The following VPS16 variants were observed in gnomAD, a reference collection of about 807,000 sequenced individuals.
VPS16 encodes vacuolar protein sorting-associated protein 16 homolog.
A neutral mutation model predicts 116.0 loss-of-function variants in VPS16; 82 were observed. That is an observed-to-expected ratio of 0.71 (90% CI 0.59 to 0.85). The LOEUF (loss-of-function observed/expected upper bound fraction) is 0.85. Ranked by LOEUF, VPS16 falls within the 40% of genes least tolerant of loss-of-function variation. VPS16 has a pLI of 0.00. For missense variants in VPS16, 928 were observed against 1,090.6 expected, an observed-to-expected ratio of 0.85 and a Z score of 2.10; for synonymous variants, 406 against 420.7, an observed-to-expected ratio of 0.96 and a Z score of 0.43.
intron 1 of VPS16, among the ~76,000 whole-genome samples, chr20:2,849,590 C>T (rs2089096786): frequency 6.6e-6 from 1 of 151,418 alleles, no homozygotes; most frequent in Non-Finnish European, 1.5e-5. Flanking sequence ...TGAGCTACTG[C>T]ACCCGGTTGA....
intron 11 of VPS16, 55 bp from the exon 12 acceptor site, chr20:2,862,524 A>T (rs1242793755): frequency 1.3e-6 from 2 of 1,587,794 alleles, no homozygotes; most frequent in Non-Finnish European, 1.7e-6. Flanking sequence ...GTTAGGGGCC[A>T]GATGTGGGAG....
chr20:2,848,099 A>G (rs947076416), intron 1 of VPS16, among the ~76,000 whole-genome samples: 3 of 152,148 alleles, frequency 2.0e-5, no homozygotes, highest in African/African-American at 7.2e-5. Context: ...TCTGATGAGC[A>G]CTGCCATGAG....
rs2089325943 is a variant in VPS16, at chr20:2,865,642, TG to T, written c.2271+150del. On this transcript the variant is annotated intron_variant, in intron 22 of 23. Transcript: ENST00000380445. The surrounding 1 kb of genome is among the most constrained non-coding windows in gnomAD (Gnocchi z 5.2). ...CGAGTGCTTCCTGTATACACATTTG[TG>T]GGCAGGCATCATCTGCTGTGTTGGG... 2 of 757,336 alleles carry T rather than the reference TG, an allele frequency of 2.6e-6. No individual in the cohort carries two copies. The highest frequency in any genetic ancestry group is 4.2e-6 in the Non-Finnish European group (2 of 475,562). The allele number at this position is 757,336 out of a possible 1,614,324, so 46.9% of individuals were successfully genotyped here. A position where few individuals can be genotyped will look rare whatever the true frequency, so the allele number is the denominator to read the frequency against.
Position 2,865,049 on chromosome 20 carries a change from A to G in VPS16, c.1998A>G (p.Ala666=). 1 of 1,614,182 alleles carries G rather than the reference A, an allele frequency of 6.2e-7. No homozygotes were observed. The highest frequency in any genetic ancestry group is 8.5e-7 in the Non-Finnish European group (1 of 1,180,030). The change falls in exon 20 of 24, where the codon GCA becomes GCG. Residue 666 remains alanine (A), a synonymous_variant. Coordinates refer to ENST00000380445, the MANE Select transcript of VPS16 (RefSeq NM_022575.4). This position sits in a 1 kb window ranked among gnomAD's most constrained non-coding sequence, Gnocchi z 5.2. ...DAFYKAKNEF[A]AKATEDQMRL... ...TCTACAAGGCCAAGAATGAGTTTGC[A>G]GCCAAGGTTTGGCCCACCTTTTTCC...
intron 1 of VPS16, among the ~76,000 whole-genome samples, chr20:2,849,021 G>T (rs560932601): frequency 6.6e-6 from 1 of 152,144 alleles, no homozygotes; most frequent in Non-Finnish European, 1.5e-5. Flanking sequence ...TAGGTTAGCA[G>T]GGCTTTCAAG....
chr20:2,859,066 G>A (rs1344853427), intron 1 of VPS16, among the ~76,000 whole-genome samples: 3 of 152,122 alleles, frequency 2.0e-5, no homozygotes, highest in African/African-American at 7.2e-5. Context: ...TGGAGGCCAG[G>A]GTAGGAGGAT....
Position 2,861,598 on chromosome 20 carries a change from G to T in VPS16, c.810-17G>T. On this transcript the variant is annotated splice_polypyrimidine_tract_variant and intron_variant, in intron 8 of 23. Coordinates refer to ENST00000380445, the MANE Select transcript of VPS16 (RefSeq NM_022575.4). ...CCATGGGACAGTGTCTAGCCAGTGT[G>T]TATATGCTGCTCACAGGTGCAGCCG... is the stretch of plus-strand genomic sequence containing the variant. 6.2e-7 allele frequency: 1 copy of T among 1,601,360 alleles called. No individual in the cohort carries two copies. Among genetic ancestry groups the T allele is most frequent in the Non-Finnish European group, 8.5e-7 (1 of 1,174,874 alleles).
Position 2,864,201 on chromosome 20 carries a change from C to T in VPS16, c.1634C>T (p.Ser545Leu), listed in dbSNP as rs200043001. The T allele has an allele frequency of 1.9e-6, 3 of 1,614,188 alleles. No individual in the cohort carries two copies. In the East Asian group the frequency reaches 6.7e-5, roughly 36 times the overall value. ...CAGCTGCTGGAGTATGAGCCACGCT[C>T]AGGGGAGCAGGTACCCCTTCTCCTA... Reference protein sequence around the residue: ...AIKLLEYEPRSGEQVPLLLKM... With the variant: ...AIKLLEYEPRLGEQVPLLLKM... Residue 545 changes from serine (S) to leucine (L), a missense_variant, in exon 17 of 24, where the codon TCA becomes TTA. Transcript: ENST00000380445. The surrounding 1 kb of genome is among the most constrained non-coding windows in gnomAD (Gnocchi z 5.2).
In VPS16 at chr20:2,866,318, G is replaced by A. The variant is rs766933065; in HGVS notation, c.2375+3G>A. 6.2e-7 allele frequency: 1 copy of A among 1,614,164 alleles called. No individual in the cohort carries two copies. The highest frequency in any genetic ancestry group is 8.5e-7 in the Non-Finnish European group (1 of 1,180,036). On this transcript the variant is annotated splice_donor_region_variant and intron_variant, in intron 23 of 23. Transcript: ENST00000380445. Reference sequence around the variant, plus strand: ...GTCAAGGCTTTGCTTCTTGTTGGGTGCGTCAACTGAGGGCCTGTGGGTGCT... The same window carrying A: ...GTCAAGGCTTTGCTTCTTGTTGGGTACGTCAACTGAGGGCCTGTGGGTGCT...
At chr20:2,849,948 A>G (rs374122671) in intron 1 of VPS16, among the ~76,000 whole-genome samples, 2 of 152,216 alleles carry the variant, frequency 1.3e-5, no homozygotes, top group Admixed American at 6.5e-5. Flanking sequence ...TAGGGGGTCT[A>G]TCTTCTGGGA....
chr20:2,866,010 A>G (rs760737316), intron 22 of VPS16: 12 of 595,564 alleles, frequency 2.0e-5, no homozygotes, highest in Middle Eastern at 9.1e-4. Context: ...TCTCTGACAG[A>G]GCTTTGGTTT....
chr20:2,861,004 T>G lies in VPS16; in HGVS notation c.665T>G (p.Phe222Cys), dbSNP rs901538245. Residue 222 changes from phenylalanine to cysteine, a missense_variant, in exon 7 of 24, where the codon TTC (phenylalanine) becomes TGC (cysteine). Transcript: ENST00000380445. ...PPGLAPGVSSFLQMAVSFTYR... is the reference protein window; with the variant it reads ...PPGLAPGVSSCLQMAVSFTYR... ...GGCCTGGCCCCAGGAGTAAGCAGCT[T>G]CCTACAGATGGCTGTCTCCTTCACC... 1.2e-6 allele frequency: 2 copies of G among 1,614,050 alleles called. No homozygotes were observed. The highest frequency in any genetic ancestry group is 2.7e-5 in the African/African-American group (2 of 74,926).
At chr20:2,852,960 T>C (rs969984501) in intron 1 of VPS16, among the ~76,000 whole-genome samples, 1 of 152,228 alleles carries the variant, frequency 6.6e-6, no homozygotes, top group African/African-American at 2.4e-5. Context: ...CTGATAGCAT[T>C]TTATCCAAAA....
chr20:2,851,961 C>T (rs1052212555), intron 1 of VPS16, among the ~76,000 whole-genome samples: 6 of 152,252 alleles, frequency 3.9e-5, no homozygotes, highest in East Asian at 3.9e-4. Context: ...CAGAGCGAGA[C>T]GCTGTCTCAA....
intron 7 of VPS16, 51 bp from the exon 8 acceptor site, chr20:2,861,174 T>G (rs1287554915): frequency 6.2e-7 from 1 of 1,614,072 alleles, no homozygotes. Context: ...GCTTTTCGAC[T>G]AGAATGGTGA....
Position 2,861,746 on chromosome 20 carries a change from G to C in VPS16, c.899+42G>C, listed in dbSNP as rs1220331654. On this transcript the variant is annotated intron_variant, in intron 9 of 23. Transcript: ENST00000380445. Reference sequence around the variant, plus strand: ...GCCTGTGTGTGGAGAGAGGGGAGGGGAGGGTTCACCTGCCCCGTCCCATCT... The same window carrying C: ...GCCTGTGTGTGGAGAGAGGGGAGGGCAGGGTTCACCTGCCCCGTCCCATCT... 1.9e-6 allele frequency: 3 copies of C among 1,610,686 alleles called. No homozygotes were observed. The African/African-American group carries it at 4.0e-5, about 22-fold the overall frequency.
At chr20:2,841,355 T>G (rs1262466147) in intron 1 of VPS16, among the ~76,000 whole-genome samples, 1 of 152,212 alleles carries the variant, frequency 6.6e-6, no homozygotes. Flanking sequence ...ACCCGTTACA[T>G]CGTTACCCAG....
chr20:2,865,207 G>T lies in VPS16; in HGVS notation c.2064G>T (p.Gly688=). Residue 688 remains glycine (G), a synonymous_variant, in exon 21 of 24, where the codon GGG becomes GGT. Transcript: ENST00000380445. The surrounding 1 kb of genome is among the most constrained non-coding windows in gnomAD (Gnocchi z 5.2). ...AGCGGCGCCTAGAAGACGAGCTGGG[G>T]GGCCAGTTCCTAGACCTGTCTCTAC... ...RLQRRLEDEL[G]GQFLDLSLHD... is the part of the protein sequence containing the mutation. 1.9e-6 allele frequency: 3 copies of T among 1,614,140 alleles called. No individual in the cohort carries two copies. The highest frequency in any genetic ancestry group is 2.5e-6 in the Non-Finnish European group (3 of 1,180,008).
At position 2,863,961 on chromosome 20, in the gene VPS16, G is replaced by C. The variant is rs1052133235; in HGVS notation, c.1489G>C (p.Asp497His). Residue 497 changes from aspartate (D) to histidine (H), a missense_variant, in exon 16 of 24, where the codon GAT (aspartate) becomes CAT (histidine). Physicochemically the swap from Asp to His is moderately conservative, Grantham distance 81. Coordinates refer to ENST00000380445, the MANE Select transcript of VPS16 (RefSeq NM_022575.4). This position sits in a 1 kb window ranked among gnomAD's most constrained non-coding sequence, Gnocchi z 4.4. ...GCATCCCTTGCAGGTGCAACAGAAG[G>C]ATGTCTCAGATGAGGATGTGGCTCG... ...HWACYKVQQK[D>H]VSDEDVARAI... 4.3e-6 allele frequency: 7 copies of C among 1,613,870 alleles called. No homozygotes were observed. In the African/African-American group the frequency reaches 9.3e-5, roughly 22 times the overall value.
Sources: allele counts gnomAD v4.1 joint callset (sites outside exome capture counted in the v4.1 genomes callset), GRCh38; gene constraint gnomAD v4.1.1; non-coding constraint Gnocchi (gnomAD v3.1); transcripts MANE v1.5; gene names NCBI Gene and HGNC (gene_info 2026-07-23, HGNC 2026-07-21).